The following RSPH6A variants were observed in gnomAD, a reference collection of about 807,000 sequenced individuals.
RSPH6A encodes the protein radial spoke head 6 homolog A.
In RSPH6A, 49 loss-of-function variants were observed where a neutral mutation model predicts 66.1. The observed-to-expected ratio is 0.74, with a 90% confidence interval of 0.59 to 0.94. RSPH6A has a LOEUF of 0.94. Ranked by LOEUF, RSPH6A falls within the 40% of genes least tolerant of loss-of-function variation. The probability of loss-of-function intolerance (pLI) is 0.00; values close to 1 mark genes in which losing one functional copy is unlikely to be tolerated. For missense variants in RSPH6A, 977 were observed against 948.3 expected, an observed-to-expected ratio of 1.03 and a Z score of -0.40; for synonymous variants, 419 against 402.4, an observed-to-expected ratio of 1.04 and a Z score of -0.49.
rs1970521138 is a variant in RSPH6A, at chr19:45,804,808, T to TCGCC, written c.1093_1096dup (p.Glu366GlyfsTer41). The TCGCC allele has an allele frequency of 1.9e-6, 3 of 1,613,878 alleles. No individual in the cohort carries two copies. Among genetic ancestry groups the TCGCC allele is most frequent in the African/African-American group, 1.3e-5 (1 of 74,894 alleles). ...CACCTCCTCCTCCTCTGCCTCCTCC[T>TCGCC]CGCCCTCCCGGAATTCCACCTCGGC... On this transcript the variant is annotated frameshift_variant, in exon 3 of 6. Coordinates refer to ENST00000221538, the MANE Select transcript of RSPH6A (RefSeq NM_030785.4). LOFTEE classifies it high-confidence loss of function. The surrounding 1 kb of genome is among the most constrained non-coding windows in gnomAD (Gnocchi z 5.8).
chr19:45,803,347 G>A (rs931631424), intron 3 of RSPH6A, among the ~76,000 whole-genome samples: 18 of 151,378 alleles, frequency 1.2e-4, no homozygotes, highest in Admixed American at 4.0e-4. Context: ...ATCACTGCAC[G>A]CCAGCCTGGG....
chr19:45,810,254 T>A lies in RSPH6A; in HGVS notation c.888+349A>T, dbSNP rs544945061. ...GTGTGATCTCGGCTCACTGCCAAGC[T>A]CCGCCTCCTGGGTTCATGCCATTCT... On this transcript the variant is annotated intron_variant, in intron 2 of 5. Coordinates refer to ENST00000221538, the MANE Select transcript of RSPH6A (RefSeq NM_030785.4). Among the ~76,000 whole-genome samples, 3 of 151,274 alleles carry A rather than the reference T, an allele frequency of 2.0e-5. No individual in the cohort carries two copies. In the East Asian group the frequency reaches 5.9e-4, roughly 30 times the overall value.
chr19:45,802,376 A>T, intron 3 of RSPH6A, 112 bp from the exon 4 acceptor site: 1 of 1,012,850 alleles, frequency 9.9e-7, no homozygotes, highest in Non-Finnish European at 1.3e-6. Context: ...AGACCCAGGC[A>T]CAGGCAAGAG....
At chr19:45,807,549 T>C (rs12984785) in intron 2 of RSPH6A, among the ~76,000 whole-genome samples, 66,714 of 140,360 alleles carry the variant, frequency 0.48, 15,027 homozygotes, top group East Asian at 0.57. Context: ...CTCGCTCTGT[T>C]GCCCAGGCTG....
At chr19:45,811,003 T>C in intron 1 of RSPH6A, 163 bp from the exon 2 acceptor site, 1 of 503,352 alleles carries the variant, frequency 2.0e-6, no homozygotes, top group East Asian at 3.2e-5. Flanking sequence ...TTTTTATTTA[T>C]TTAGTTTTTG....
chr19:45,797,254 C>A (rs1970418094), intron 5 of RSPH6A, among the ~76,000 whole-genome samples: 1 of 151,504 alleles, frequency 6.6e-6, no homozygotes, highest in Non-Finnish European at 1.5e-5. Context: ...GTGGCAGGCG[C>A]CTGTAGTCCC....
chr19:45,803,993 C>CAAA lies in RSPH6A; in HGVS notation c.1653+256_1653+258dup, dbSNP rs55863032. Among the ~76,000 whole-genome samples the CAAA allele has an allele frequency of 8.7e-4, 90 of 103,518 alleles. 1 individual carries two copies. Among genetic ancestry groups the CAAA allele is most frequent in the South Asian group, 2.8e-3 (9 of 3,192 alleles). 67.9% of individuals were successfully genotyped at this position (103,518 alleles called of 152,430 possible). On this transcript the variant is annotated intron_variant, in intron 3 of 5. Transcript: ENST00000221538. Reference sequence around the variant, plus strand: ...GGGTGACAAGAGCGAGACTCTGTCTCAAAAAAAAAAAAAGAAAAGAAAAGA... The same window carrying CAAA: ...GGGTGACAAGAGCGAGACTCTGTCTCAAAAAAAAAAAAAAAAGAAAAGAAAAGA...
At position 45,805,016 on chromosome 19, in the gene RSPH6A, C is replaced by A. The variant is rs766024656; in HGVS notation, c.889G>T (p.Gly297Trp). 9 of 1,606,458 alleles carry A rather than the reference C, an allele frequency of 5.6e-6. No homozygotes were observed. Among genetic ancestry groups the A allele is most frequent in the Non-Finnish European group, 5.9e-6 (7 of 1,178,540 alleles). The change falls in exon 3 of 6, where the codon GGG becomes TGG. Residue 297 changes from glycine to tryptophan, a missense_variant and splice_region_variant. Coordinates refer to ENST00000221538, the MANE Select transcript of RSPH6A (RefSeq NM_030785.4). ...EGEQEMEEEV[G>W]ETPVPNIMET... is the part of the protein sequence containing the mutation. ...ATGATGTTGGGCACTGGTGTCTCCC[C>A]CTGCGCAGGGTAGGGTGGAGGGCAG...
At chr19:45,803,116 G>C (rs1388663832) in intron 3 of RSPH6A, among the ~76,000 whole-genome samples, 1 of 151,430 alleles carries the variant, frequency 6.6e-6, no homozygotes, top group Non-Finnish European at 1.5e-5. Flanking sequence ...GGCTGAGGCA[G>C]GAGAATGGCG....
chr19:45,801,863 C>T (rs1343598245), intron 4 of RSPH6A, among the ~76,000 whole-genome samples: 1 of 152,084 alleles, frequency 6.6e-6, no homozygotes, highest in African/African-American at 2.4e-5. Context: ...GGCAGGGTTC[C>T]CCAACTACAT....
chr19:45,803,890 G>C (rs1970504680), intron 3 of RSPH6A, among the ~76,000 whole-genome samples: 1 of 151,570 alleles, frequency 6.6e-6, no homozygotes, highest in Non-Finnish European at 1.5e-5. Flanking sequence ...CTACTCAGGA[G>C]GCTGAGGCGG....
At chr19:45,799,354 T>C (rs1422018972) in intron 5 of RSPH6A, among the ~76,000 whole-genome samples, 1 of 152,052 alleles carries the variant, frequency 6.6e-6, no homozygotes, top group African/African-American at 2.4e-5. Context: ...GGAGTGACTT[T>C]GGCTTGCCAT....
At chr19:45,809,807 G>T (rs932210389) in intron 2 of RSPH6A, among the ~76,000 whole-genome samples, 14 of 152,214 alleles carry the variant, frequency 9.2e-5, no homozygotes, top group Non-Finnish European at 2.1e-4. Flanking sequence ...CAGTGGGGGG[G>T]CAGGAAGGAA....
intron 5 of RSPH6A, among the ~76,000 whole-genome samples, chr19:45,799,146 G>A (rs955716540): frequency 1.8e-4 from 28 of 152,222 alleles, no homozygotes; most frequent in African/African-American, 6.5e-4. Flanking sequence ...ATACAGGAGC[G>A]AATACAGTCC....
In RSPH6A at chr19:45,804,917, T is replaced by C. The variant is rs763281827; in HGVS notation, c.988A>G (p.Met330Val). ...GGCTGCTGCTCCACCAGCTGTTTCA[T>C]GGCCAGGAAAATGCGGAAGCTCTCG... Reference protein sequence around the residue: ...SDESFRIFLAMKQLVEQQPIH... With the variant: ...SDESFRIFLAVKQLVEQQPIH... Residue 330 changes from methionine to valine, a missense_variant, in exon 3 of 6, where the codon ATG (methionine) becomes GTG (valine). Transcript: ENST00000221538. This position sits in a 1 kb window ranked among gnomAD's most constrained non-coding sequence, Gnocchi z 5.8. 27 of 1,614,114 alleles carry C rather than the reference T, an allele frequency of 1.7e-5. No individual in the cohort carries two copies. Among genetic ancestry groups the C allele is most frequent in the Non-Finnish European group, 2.2e-5 (26 of 1,180,056 alleles).
Position 45,814,642 on chromosome 19 carries a change from C to G in RSPH6A, c.535G>C (p.Glu179Gln). 6.2e-7 allele frequency: 1 copy of G among 1,607,552 alleles called. No homozygotes were observed. Among genetic ancestry groups the G allele is most frequent in the Non-Finnish European group, 8.5e-7 (1 of 1,176,650 alleles). The change falls in exon 1 of 6, where the codon GAG becomes CAG. Residue 179 changes from glutamate (E) to glutamine (Q), a missense_variant. By Grantham distance (29) the Glu-to-Gln change is conservative. Coordinates refer to ENST00000221538, the MANE Select transcript of RSPH6A (RefSeq NM_030785.4). ...DDPALQFLPSELGFPHYSAQV... is the reference protein window; with the variant it reads ...DDPALQFLPSQLGFPHYSAQV... ...GCACTGTAGTGTGGGAAGCCCAGCT[C>G]AGAGGGCAAGAACTGAAGGGCAGGG...
chr19:45,801,718 C>T (rs1440790658), intron 4 of RSPH6A, among the ~76,000 whole-genome samples: 2 of 152,076 alleles, frequency 1.3e-5, no homozygotes, highest in Non-Finnish European at 2.9e-5. Flanking sequence ...CAAGATTGCA[C>T]CACTACACCC....
intron 5 of RSPH6A, among the ~76,000 whole-genome samples, chr19:45,799,945 G>A (rs543211781): frequency 6.6e-6 from 1 of 152,300 alleles, no homozygotes; most frequent in East Asian, 1.9e-4. Context: ...TACTAGGGAG[G>A]CTGAGGGAGG....
chr19:45,798,413 G>A (rs8108864), intron 5 of RSPH6A, among the ~76,000 whole-genome samples: 49,199 of 151,502 alleles, frequency 0.32, 8,155 homozygotes, highest in Non-Finnish European at 0.36. Flanking sequence ...AGTGGCTCAC[G>A]TCTGTAATCC....
Sources: gnomAD v4.1 joint callset for allele counts (sites outside exome capture counted in the v4.1 genomes callset) on GRCh38, gnomAD v4.1.1 for gene constraint, Gnocchi (gnomAD v3.1) non-coding constraint, MANE v1.5 for transcripts, NCBI Gene and HGNC (gene_info 2026-07-23, HGNC 2026-07-21) for gene names.